The following GRIA4 variants were observed in gnomAD, a reference collection of about 807,000 sequenced individuals.
The protein encoded by GRIA4 is glutamate receptor 4.
A neutral mutation model predicts 104.0 loss-of-function variants in GRIA4; 34 were observed. The observed-to-expected ratio is 0.33, with a 90% confidence interval of 0.25 to 0.44. The LOEUF is 0.44. GRIA4 is among the 20% of genes least tolerant of loss of function. The pLI is 1.00. For synonymous variants in GRIA4, 386 were observed against 381.9 expected, an observed-to-expected ratio of 1.01 and a Z score of -0.13; for missense variants, 750 against 1,096.5, an observed-to-expected ratio of 0.68 and a Z score of 4.46.
chr11:105,825,993 T>A (rs1943757076), intron 4 of GRIA4, among the ~76,000 whole-genome samples: 1 of 151,976 alleles, frequency 6.6e-6, no homozygotes, highest in Admixed American at 6.6e-5. Flanking sequence ...GGATGTCCCC[T>A]CTCCTAAGCA....
intron 3 of GRIA4, among the ~76,000 whole-genome samples, chr11:105,701,139 T>C (rs1350465589): frequency 6.6e-6 from 1 of 152,202 alleles, no homozygotes; most frequent in Non-Finnish European, 1.5e-5. Context: ...TGAGACCGAC[T>C]GAGGCACTTT....
intron 7 of GRIA4, among the ~76,000 whole-genome samples, chr11:105,902,141 T>C (rs949531485): frequency 6.6e-6 from 1 of 152,180 alleles, no homozygotes; most frequent in East Asian, 1.9e-4. Flanking sequence ...GGGGAATATA[T>C]AGGAAAGCTC....
intron 4 of GRIA4, among the ~76,000 whole-genome samples, chr11:105,787,472 CTTTTTTTTTT>C (rs67901321): frequency 2.0e-5 from 2 of 98,622 alleles, no homozygotes; most frequent in Non-Finnish European, 3.7e-5. Context: ...TAAAGAATTC[CTTTTTTTTTT>C]TTTTTTTTTT....
chr11:105,859,700 C>T (rs145411662), intron 4 of GRIA4, among the ~76,000 whole-genome samples: 3 of 151,720 alleles, frequency 2.0e-5, no homozygotes, highest in East Asian at 1.9e-4. Context: ...GTGTGGGGGC[C>T]GTTTTTATTA....
At chr11:105,966,503 G>A (rs948485580) in intron 14 of GRIA4, among the ~76,000 whole-genome samples, 1 of 151,970 alleles carries the variant, frequency 6.6e-6, no homozygotes, top group Non-Finnish European at 1.5e-5. Context: ...CCTGTCTAGG[G>A]TGCCCACTAA....
chr11:105,741,704 C>T (rs1939319892), intron 3 of GRIA4, among the ~76,000 whole-genome samples: 1 of 152,126 alleles, frequency 6.6e-6, no homozygotes, highest in African/African-American at 2.4e-5. Context: ...TGTGGCCACT[C>T]CCAATTCACA....
intron 3 of GRIA4, among the ~76,000 whole-genome samples, chr11:105,652,531 C>A (rs946171693): frequency 1.3e-5 from 2 of 152,026 alleles, no homozygotes; most frequent in Admixed American, 6.6e-5. Context: ...GAGTAGCCAC[C>A]CAATAGTTTT....
intron 10 of GRIA4, chr11:105,912,582 ATGT>A: frequency 2.8e-6 from 1 of 357,262 alleles, no homozygotes. Context: ...GTAAAGTTAT[ATGT>A]TGTTTGACAG....
At chr11:105,912,545 T>C in intron 10 of GRIA4, 2 of 259,394 alleles carry the variant, frequency 7.7e-6, no homozygotes, top group Non-Finnish European at 1.2e-5. Flanking sequence ...TATATATATA[T>C]TTATATATAT....
intron 14 of GRIA4, among the ~76,000 whole-genome samples, chr11:105,952,851 TATTTTAATATTAA>T (rs1948489745): frequency 1.3e-5 from 2 of 152,222 alleles, no homozygotes; most frequent in Admixed American, 1.3e-4. Flanking sequence ...TTTCTCTCCT[TATTTTAATATTAA>T]ATTCCTGATC....
At chr11:105,837,567 A>T (rs968354032) in intron 4 of GRIA4, among the ~76,000 whole-genome samples, 1 of 152,148 alleles carries the variant, frequency 6.6e-6, no homozygotes, top group Admixed American at 6.6e-5. Context: ...AATAAGGCCA[A>T]CTGCTGAAGG....
At chr11:105,730,893 A>T (rs1938543436) in intron 3 of GRIA4, among the ~76,000 whole-genome samples, 1 of 152,210 alleles carries the variant, frequency 6.6e-6, no homozygotes, top group Admixed American at 6.5e-5. Context: ...TGGATTAAAA[A>T]TTTAAATGTA....
intron 3 of GRIA4, among the ~76,000 whole-genome samples, chr11:105,719,288 T>C (rs1954211570): frequency 6.6e-6 from 1 of 152,152 alleles, no homozygotes; most frequent in South Asian, 2.1e-4. Context: ...TGATTGGCAT[T>C]AGGAACTATC....
intron 3 of GRIA4, among the ~76,000 whole-genome samples, chr11:105,747,321 A>T (rs1485877666): frequency 6.6e-6 from 1 of 152,186 alleles, no homozygotes; most frequent in East Asian, 1.9e-4. Context: ...CAAAACAAAT[A>T]TGTTGACAAT....
intron 14 of GRIA4, among the ~76,000 whole-genome samples, chr11:105,936,496 T>C (rs1948039404): frequency 6.6e-6 from 1 of 152,196 alleles, no homozygotes; most frequent in Non-Finnish European, 1.5e-5. Context: ...CAAACTCTGC[T>C]ATTCAGATTC....
At chr11:105,636,148 G>C (rs949900141) in intron 3 of GRIA4, among the ~76,000 whole-genome samples, 1 of 152,108 alleles carries the variant, frequency 6.6e-6, no homozygotes, top group Non-Finnish European at 1.5e-5. Flanking sequence ...TAAAAGACAA[G>C]TACCTTCTTG....
At chr11:105,785,476 C>T (rs1397919784) in intron 4 of GRIA4, among the ~76,000 whole-genome samples, 1 of 152,076 alleles carries the variant, frequency 6.6e-6, no homozygotes, top group East Asian at 1.9e-4. Context: ...TAGATGATTG[C>T]TATAAAGTAC....
At chr11:105,864,055 A>G (rs1178611540) in intron 5 of GRIA4, among the ~76,000 whole-genome samples, 1 of 152,162 alleles carries the variant, frequency 6.6e-6, no homozygotes, top group African/African-American at 2.4e-5. Context: ...TCATGGTTGC[A>G]TGGTAATAAT....
chr11:105,864,811 G>C (rs778012519), intron 5 of GRIA4, among the ~76,000 whole-genome samples: 1 of 151,992 alleles, frequency 6.6e-6, no homozygotes, highest in African/African-American at 2.4e-5. Flanking sequence ...TGGAGGTTGT[G>C]GTGAGCCGAG....
Sources: allele counts gnomAD v4.1 joint callset (sites outside exome capture counted in the v4.1 genomes callset), GRCh38; gene constraint gnomAD v4.1.1; transcripts MANE v1.5; gene names NCBI Gene and HGNC (gene_info 2026-07-23, HGNC 2026-07-21).